Variants in TRPM3 observed in about 807,000 individuals in gnomAD.
The protein encoded by TRPM3 is transient receptor potential cation channel subfamily M member 3.
TRPM3 carries 77 observed loss-of-function variants against 181.2 expected under a neutral mutation model. The observed-to-expected ratio is 0.42, with a 90% confidence interval of 0.35 to 0.51. The LOEUF (loss-of-function observed/expected upper bound fraction) is 0.51, where lower values mean the gene tolerates loss of function less well. Among genes scored for constraint, TRPM3 ranks in the 20% least tolerant of loss-of-function variants. The probability of loss-of-function intolerance (pLI) is 0.01; values close to 1 mark genes in which losing one functional copy is unlikely to be tolerated. For synonymous variants in TRPM3, 745 were observed against 796.4 expected (o/e 0.94, Z 1.09); for missense variants, 1,759 against 2,196.7 (o/e 0.80, Z 3.98).
upstream of TRPM3, among the ~76,000 whole-genome samples, chr9:71,126,149 T>C (rs929346104): frequency 1.3e-5 from 2 of 152,018 alleles, no homozygotes; most frequent in Non-Finnish European, 2.9e-5. Context: ...TAGTGATAAA[T>C]AGAAAAATGC....
Position 70,769,103 on chromosome 9 carries a change from A to G in TRPM3, c.1149-7379T>C, listed in dbSNP as rs189511683. Among the ~76,000 whole-genome samples, 3 of 152,290 alleles carry G rather than the reference A, an allele frequency of 2.0e-5. No individual in the cohort carries two copies. The East Asian group carries it at 5.8e-4, about 29-fold the overall frequency. On this transcript the variant is annotated intron_variant, in intron 7 of 25. Coordinates refer to ENST00000677713, the MANE Select transcript of TRPM3 (RefSeq NM_001366145.2). Reference sequence around the variant, plus strand: ...TTAATTAAATGGTTCTACAGAGCAGACATGATTCTATTGCATCCTTCTTAA... The same window carrying G: ...TTAATTAAATGGTTCTACAGAGCAGGCATGATTCTATTGCATCCTTCTTAA...
intron 9 of TRPM3, among the ~76,000 whole-genome samples, chr9:70,674,699 A>T (rs2063643987): frequency 6.7e-6 from 1 of 148,824 alleles, no homozygotes; most frequent in African/African-American, 2.5e-5. Context: ...AGCTGGGACT[A>T]CATGCATATG....
At chr9:71,130,793 G>A (rs1475297755) in intron 1 of TRPM3, among the ~76,000 whole-genome samples, 1 of 152,152 alleles carries the variant, frequency 6.6e-6, no homozygotes, top group Non-Finnish European at 1.5e-5. Context: ...GAAGGAGAGA[G>A]ATGATAATAG....
At chr9:71,055,538 C>A (rs1565090105) in intron 1 of TRPM3, among the ~76,000 whole-genome samples, 2 of 152,032 alleles carry the variant, frequency 1.3e-5, no homozygotes, top group African/African-American at 4.8e-5. Flanking sequence ...GTATTCAACA[C>A]ACATCATGTC....
chr9:71,349,398 A>G (rs2091472464), intron 1 of TRPM3, among the ~76,000 whole-genome samples: 1 of 152,210 alleles, frequency 6.6e-6, no homozygotes, highest in South Asian at 2.1e-4. Context: ...GTACATTTTT[A>G]GAGGCTTCAT....
chr9:71,117,206 A>G (rs1439612581), intron 1 of TRPM3, among the ~76,000 whole-genome samples: 3 of 152,152 alleles, frequency 2.0e-5, no homozygotes, highest in African/African-American at 7.2e-5. Context: ...CAGTTGCATC[A>G]TCTCACCCAT....
chr9:71,314,583 G>T (rs2088361743), intron 1 of TRPM3, among the ~76,000 whole-genome samples: 1 of 152,104 alleles, frequency 6.6e-6, no homozygotes, highest in Non-Finnish European at 1.5e-5. Context: ...GGGAGAATTT[G>T]AGCTGAAGTA....
chr9:71,162,859 T>C (rs868267792), intron 1 of TRPM3, among the ~76,000 whole-genome samples: 67 of 152,236 alleles, frequency 4.4e-4, no homozygotes, highest in Middle Eastern at 3.4e-3. Context: ...CTGTACAAGA[T>C]GCTATAGGAA....
chr9:70,888,717 C>T (rs1478638498), intron 1 of TRPM3, among the ~76,000 whole-genome samples: 1 of 152,134 alleles, frequency 6.6e-6, no homozygotes, highest in Non-Finnish European at 1.5e-5. Context: ...GCCTACTTGA[C>T]TCCTGGGCCT....
At chr9:70,777,082 A>C (rs1262826534) in intron 7 of TRPM3, among the ~76,000 whole-genome samples, 1 of 152,158 alleles carries the variant, frequency 6.6e-6, no homozygotes, top group Non-Finnish European at 1.5e-5. Flanking sequence ...TAGCTAAGGA[A>C]ATCTCAGAGG....
chr9:71,403,511 G>T (rs1417202881), intron 1 of TRPM3, among the ~76,000 whole-genome samples: 1 of 152,134 alleles, frequency 6.6e-6, no homozygotes, highest in African/African-American at 2.4e-5. Flanking sequence ...AGATAATAAT[G>T]ATGATCATTT....
chr9:70,747,439 G>T (rs771105918), intron 8 of TRPM3, among the ~76,000 whole-genome samples: 93 of 152,226 alleles, frequency 6.1e-4, no homozygotes, highest in Non-Finnish European at 1.0e-3. Flanking sequence ...TGGTTAGTGT[G>T]ATGAATCCAT....
At chr9:71,016,836 T>G (rs7026628) in intron 1 of TRPM3, among the ~76,000 whole-genome samples, 8,041 of 152,268 alleles carry the variant, frequency 0.053, 740 homozygotes, top group African/African-American at 0.18. Flanking sequence ...CTACAGTGGT[T>G]ACATCATTTT....
chr9:70,668,734 T>C (rs1322499175), intron 9 of TRPM3, among the ~76,000 whole-genome samples: 1 of 150,752 alleles, frequency 6.6e-6, no homozygotes, highest in South Asian at 2.1e-4. Flanking sequence ...GTTATTGTTG[T>C]ATGTTAGATT....
chr9:70,877,893 C>T (rs2095899524), intron 1 of TRPM3, among the ~76,000 whole-genome samples: 1 of 151,546 alleles, frequency 6.6e-6, no homozygotes, highest in Non-Finnish European at 1.5e-5. Context: ...TTCATTAAAA[C>T]TGTCACCACT....
intron 21 of TRPM3, among the ~76,000 whole-genome samples, chr9:70,593,230 A>T (rs767273220): frequency 6.6e-6 from 1 of 152,206 alleles, no homozygotes; most frequent in Non-Finnish European, 1.5e-5. Context: ...TTAAAGTTGT[A>T]TGCTAATTAG....
At chr9:70,576,663 C>T (rs972765995) in intron 22 of TRPM3, among the ~76,000 whole-genome samples, 3 of 151,910 alleles carry the variant, frequency 2.0e-5, no homozygotes, top group African/African-American at 7.3e-5. Context: ...TATAGGCACC[C>T]GCCACCGTGC....
At chr9:70,884,711 G>A (rs1192470076) in intron 1 of TRPM3, among the ~76,000 whole-genome samples, 3 of 152,254 alleles carry the variant, frequency 2.0e-5, no homozygotes, top group South Asian at 2.1e-4. Context: ...GAGCTAGAGG[G>A]CATGTATTCT....
chr9:71,113,695 T>A (rs1049643592), intron 1 of TRPM3, among the ~76,000 whole-genome samples: 1 of 152,200 alleles, frequency 6.6e-6, no homozygotes, highest in African/African-American at 2.4e-5. Context: ...TCTGTGAGCA[T>A]GAGAACTTTA....
Sources: allele counts gnomAD v4.1 joint callset (sites outside exome capture counted in the v4.1 genomes callset), GRCh38; gene constraint gnomAD v4.1.1; transcripts MANE v1.5; gene names NCBI Gene and HGNC (gene_info 2026-07-23, HGNC 2026-07-21).